CSMD1: variants seen among roughly 807,000 people sequenced by gnomAD.
The protein encoded by CSMD1 is CUB and Sushi multiple domains 1.
Under a neutral mutation model 417.5 loss-of-function variants are expected in CSMD1, and 213 were observed. The observed-to-expected ratio is 0.51, with a 90% confidence interval of 0.46 to 0.57. The LOEUF (loss-of-function observed/expected upper bound fraction) is 0.57, where lower values mean the gene tolerates loss of function less well. CSMD1 is among the 20% of genes least tolerant of loss of function. The probability of loss-of-function intolerance (pLI) is 0.00; values close to 1 mark genes in which losing one functional copy is unlikely to be tolerated. For missense variants in CSMD1, 6,923 were observed against 4,529.7 expected (o/e 1.53, Z -15.17); for synonymous variants, 2,862 against 1,736.8 (o/e 1.65, Z -16.11).
At chr8:4,756,255 GAGCT>G (rs1444915538) in intron 1 of CSMD1, among the ~76,000 whole-genome samples, 2 of 152,146 alleles carry the variant, frequency 1.3e-5, no homozygotes, top group Non-Finnish European at 2.9e-5. Flanking sequence ...ATACAGAAAA[GAGCT>G]AGTATAAAAT....
At chr8:3,550,214 C>G (rs573007787) in intron 10 of CSMD1, among the ~76,000 whole-genome samples, 2 of 152,266 alleles carry the variant, frequency 1.3e-5, no homozygotes, top group South Asian at 4.1e-4. Context: ...AGCAGGCATT[C>G]CAATGTCTCT....
chr8:4,276,998 G>A (rs528062204), intron 3 of CSMD1, among the ~76,000 whole-genome samples: 1 of 152,114 alleles, frequency 6.6e-6, no homozygotes, highest in East Asian at 1.9e-4. Context: ...ATAAACTCCA[G>A]GTTAAGTTTA....
At position 3,399,026 on chromosome 8, in the gene CSMD1, A is replaced by G. The variant is rs932574946; in HGVS notation, c.2405+365T>C. On this transcript the variant is annotated intron_variant, in intron 16 of 69. Transcript: ENST00000635120. ...CAGAACAGGAGAGCTGATTTCCTCT[A>G]CCACAGAAGACACCTAAGGGACCAT... 9.2e-5 allele frequency among the ~76,000 whole-genome samples: 14 copies of G among 152,252 alleles called. No homozygotes were observed. The East Asian group carries it at 1.2e-3, about 13-fold the overall frequency.
chr8:3,984,751 A>G lies in CSMD1; in HGVS notation c.818+13152T>C, dbSNP rs943550070. On this transcript the variant is annotated intron_variant, in intron 5 of 69. Transcript: ENST00000635120. The stretch of plus-strand genomic sequence containing the variant: ...TATATATATATATATATATATATAT[A>G]TTTGTATGTATTTGTGCGTGTGTGT... 1.0e-3 allele frequency among the ~76,000 whole-genome samples: 62 copies of G among 60,244 alleles called. 1 individual carries two copies. Among genetic ancestry groups the G allele is most frequent in the Non-Finnish European group, 1.9e-3 (57 of 29,460 alleles). The allele number at this position is 60,244 out of a possible 152,430, so 39.5% of individuals were successfully genotyped here.
At chr8:4,307,127 C>G (rs1026865516) in intron 3 of CSMD1, among the ~76,000 whole-genome samples, 3 of 152,164 alleles carry the variant, frequency 2.0e-5, no homozygotes, top group Non-Finnish European at 4.4e-5. Context: ...GCCTCCTTGT[C>G]TCTGTACTGA....
chr8:3,119,918 C>T (rs759119089), intron 41 of CSMD1, among the ~76,000 whole-genome samples: 2 of 152,170 alleles, frequency 1.3e-5, no homozygotes, highest in Non-Finnish European at 2.9e-5. Flanking sequence ...TCACAATCAA[C>T]TGAAAATCAA....
At chr8:3,751,456 T>C (rs533898007) in intron 6 of CSMD1, among the ~76,000 whole-genome samples, 72 of 148,332 alleles carry the variant, frequency 4.9e-4, no homozygotes, top group African/African-American at 1.7e-3. Context: ...TAAATGTTTA[T>C]ACTTAAATAT....
intron 3 of CSMD1, among the ~76,000 whole-genome samples, chr8:4,176,255 T>C (rs924243006): frequency 6.6e-6 from 1 of 152,098 alleles, no homozygotes; most frequent in Non-Finnish European, 1.5e-5. Flanking sequence ...ATACATTTGG[T>C]AGATTAGACT....
chr8:4,947,699 A>C (rs1344472294), intron 1 of CSMD1, among the ~76,000 whole-genome samples: 1 of 152,112 alleles, frequency 6.6e-6, no homozygotes. Context: ...AATTCATCAT[A>C]AATATATTTT....
At chr8:4,458,447 G>A (rs1437200633) in intron 2 of CSMD1, among the ~76,000 whole-genome samples, 3 of 152,146 alleles carry the variant, frequency 2.0e-5, no homozygotes, top group East Asian at 1.9e-4. Flanking sequence ...AAAACAGTCT[G>A]AAGTTAAAGT....
intron 7 of CSMD1, among the ~76,000 whole-genome samples, chr8:3,634,757 T>G (rs1295669579): frequency 6.6e-6 from 1 of 151,844 alleles, no homozygotes; most frequent in African/African-American, 2.4e-5. Context: ...GCACACAGTT[T>G]GATTGCTTAC....
intron 11 of CSMD1, among the ~76,000 whole-genome samples, chr8:3,484,027 C>G (rs1057161958): frequency 6.6e-6 from 1 of 152,190 alleles, no homozygotes; most frequent in African/African-American, 2.4e-5. Context: ...ATTCCTATCA[C>G]AATCCCAGCA....
intron 5 of CSMD1, among the ~76,000 whole-genome samples, chr8:3,929,481 C>T (rs1809986457): frequency 6.7e-6 from 1 of 150,340 alleles, no homozygotes. Flanking sequence ...GGTGCTGTCT[C>T]TGAAGGACTC....
rs1057351934 is a variant in CSMD1 at position 4,033,551 on chromosome 8, T to C, written c.416-1452A>G. The stretch of plus-strand genomic sequence containing the variant: ...AGACCAAACCAATGTATATCTGAAG[T>C]GTATTGATTGATGTCTTATGTCTCC... On this transcript the variant is annotated intron_variant, in intron 3 of 69. Transcript: ENST00000635120. Among the ~76,000 whole-genome samples the C allele has an allele frequency of 4.6e-5, 7 of 152,272 alleles. No homozygotes were observed. In the East Asian group the frequency reaches 9.7e-4, roughly 21 times the overall value.
At chr8:4,053,558 C>T (rs1391532629) in intron 3 of CSMD1, among the ~76,000 whole-genome samples, 1 of 152,154 alleles carries the variant, frequency 6.6e-6, no homozygotes, top group Admixed American at 6.6e-5. Context: ...TCTGACCTTG[C>T]AAGCTGGTCC....
intron 3 of CSMD1, among the ~76,000 whole-genome samples, chr8:4,279,292 G>C (rs1796652767): frequency 6.6e-6 from 1 of 152,162 alleles, no homozygotes; most frequent in Non-Finnish European, 1.5e-5. Flanking sequence ...AAAGCCAACT[G>C]CTTCAAACAA....
At position 4,746,782 on chromosome 8, in the gene CSMD1, C is replaced by T. The variant is rs149304578; in HGVS notation, c.86-109224G>A. ...TACAGCAGCGAGGTCATTCTGAAGGCATCATACCATCAAAAGATAACTGTG... is the reference window on the plus strand; with the variant it reads ...TACAGCAGCGAGGTCATTCTGAAGGTATCATACCATCAAAAGATAACTGTG... On this transcript the variant is annotated intron_variant, in intron 1 of 69. Coordinates refer to ENST00000635120, the MANE Select transcript of CSMD1 (RefSeq NM_033225.6). Among the ~76,000 whole-genome samples the T allele has an allele frequency of 3.9e-5, 6 of 152,272 alleles. No individual in the cohort carries two copies. In the East Asian group the frequency reaches 1.2e-3, roughly 29 times the overall value.
At chr8:4,556,648 T>G (rs1394805121) in intron 2 of CSMD1, among the ~76,000 whole-genome samples, 3 of 152,210 alleles carry the variant, frequency 2.0e-5, no homozygotes, top group African/African-American at 4.8e-5. Flanking sequence ...TTTAATAGGA[T>G]AGTGATAGTG....
chr8:3,090,114 A>C lies in CSMD1; in HGVS notation c.7285+1402T>G, dbSNP rs565296511. On this transcript the variant is annotated intron_variant, in intron 48 of 69. Coordinates refer to ENST00000635120, the MANE Select transcript of CSMD1 (RefSeq NM_033225.6). ...CGGATCACAAGGTCAGGAGATCGTG[A>C]CCATCCTGGCTAACACGGTGAAACC... Among the ~76,000 whole-genome samples the C allele has an allele frequency of 4.9e-3, 743 of 152,092 alleles. 6 individuals are homozygous for C. The highest frequency in any genetic ancestry group is 0.017 in the African/African-American group (715 of 41,492).
Sources: allele counts gnomAD v4.1 joint callset (sites outside exome capture counted in the v4.1 genomes callset), GRCh38; gene constraint gnomAD v4.1.1; transcripts MANE v1.5; gene names NCBI Gene and HGNC (gene_info 2026-07-23, HGNC 2026-07-21).